BCL2: variants seen among roughly 807,000 people sequenced by gnomAD.
BCL2 encodes BCL2 apoptosis regulator.
Under a neutral mutation model 14.2 loss-of-function variants are expected in BCL2, and 1 was observed. That is an observed-to-expected ratio of 0.07 (90% CI 0.02 to 0.33). The LOEUF (loss-of-function observed/expected upper bound fraction) is 0.33. BCL2 is among the 10% of genes least tolerant of loss of function. The pLI is 0.99. For missense variants in BCL2, 247 were observed against 305.9 expected (o/e 0.81, Z 1.44); for synonymous variants, 151 against 137.2 (o/e 1.10, Z -0.70).
intron 2 of BCL2, among the ~76,000 whole-genome samples, chr18:63,296,704 C>G (rs758852930): frequency 9.9e-5 from 15 of 152,158 alleles, no homozygotes; most frequent in Admixed American, 8.5e-4. Context: ...TATGGTGAGG[C>G]CTTCCCTGCC....
At position 63,149,398 on chromosome 18, in the gene BCL2, T is replaced by A. The variant is rs1184546407; in HGVS notation, c.586-20639A>T. Among the ~76,000 whole-genome samples the A allele has an allele frequency of 6.6e-6, 1 of 152,192 alleles. No individual in the cohort carries two copies. The highest frequency in any genetic ancestry group is 6.5e-5 in the Admixed American group (1 of 15,282). On this transcript the variant is annotated intron_variant, in intron 2 of 2. Coordinates refer to ENST00000333681, the MANE Select transcript of BCL2 (RefSeq NM_000633.3). This position sits in a 1 kb window ranked among gnomAD's most constrained non-coding sequence, Gnocchi z 4.2. ...CAGTGATGCTCGCCAGCTGCTCACC[T>A]CCTGCTGTGCGGCCCTGTTCCTAAC... is the stretch of plus-strand genomic sequence containing the variant.
intron 2 of BCL2, among the ~76,000 whole-genome samples, chr18:63,303,170 C>A (rs138265247): frequency 5.1e-4 from 78 of 152,240 alleles, no homozygotes; most frequent in African/African-American, 1.7e-3. Context: ...AGGTATTAGG[C>A]AGGTTACAAT....
At chr18:63,162,025 G>A (rs768709771) in intron 2 of BCL2, among the ~76,000 whole-genome samples, 3 of 152,084 alleles carry the variant, frequency 2.0e-5, no homozygotes, top group African/African-American at 7.2e-5. Flanking sequence ...CCCCTCCCAC[G>A]TGCTGTTGAT....
intron 2 of BCL2, among the ~76,000 whole-genome samples, chr18:63,285,852 T>C (rs1912456609): frequency 6.6e-6 from 1 of 152,218 alleles, no homozygotes; most frequent in Non-Finnish European, 1.5e-5. Context: ...TTGTGGTCCA[T>C]GGCTTGTGTT....
chr18:63,254,472 C>T lies in BCL2; in HGVS notation c.585+63610G>A, dbSNP rs533072380. Among the ~76,000 whole-genome samples, 10 of 143,812 alleles carry T rather than the reference C, an allele frequency of 7.0e-5. No homozygotes were observed. The East Asian group carries it at 1.3e-3, about 18-fold the overall frequency. The allele number at this position is 143,812 out of a possible 152,430, so 94.3% of individuals were successfully genotyped here. ...TTGGGAGGCTGAGGTGGGAGGATCGCTTGAACCAGGGAGGCAGAGGTTGCA... is the reference window on the plus strand; with the variant it reads ...TTGGGAGGCTGAGGTGGGAGGATCGTTTGAACCAGGGAGGCAGAGGTTGCA... On this transcript the variant is annotated intron_variant, in intron 2 of 2. Transcript: ENST00000333681.
intron 2 of BCL2, among the ~76,000 whole-genome samples, chr18:63,222,273 C>CAAAAAA (rs35852603): frequency 1.2e-5 from 1 of 83,280 alleles, no homozygotes; most frequent in African/African-American, 4.6e-5. Context: ...GACTCCACCT[C>CAAAAAA]AAAAAAAAAA....
intron 2 of BCL2, among the ~76,000 whole-genome samples, chr18:63,144,158 T>C (rs142343591): frequency 7.2e-5 from 11 of 152,346 alleles, no homozygotes; most frequent in Non-Finnish European, 1.6e-4. Context: ...GGCGCTAACT[T>C]TGGATAGCTC....
intron 2 of BCL2, among the ~76,000 whole-genome samples, chr18:63,248,144 A>C (rs1332537507): frequency 1.3e-5 from 2 of 152,240 alleles, no homozygotes; most frequent in African/African-American, 2.4e-5. Context: ...AGGTCAGAGA[A>C]ACGCTACTCA....
At chr18:63,216,279 C>T (rs1288759333) in intron 2 of BCL2, among the ~76,000 whole-genome samples, 2 of 151,682 alleles carry the variant, frequency 1.3e-5, no homozygotes, top group African/African-American at 2.4e-5. Context: ...AGTGCTGACC[C>T]CCAGCAAAAG....
chr18:63,305,155 G>C (rs955831848), intron 2 of BCL2, among the ~76,000 whole-genome samples: 3 of 152,198 alleles, frequency 2.0e-5, no homozygotes, highest in Non-Finnish European at 2.9e-5. Flanking sequence ...CATGAGAAAC[G>C]CTGCAAAGGC....
chr18:63,293,081 C>T (rs1006278218), intron 2 of BCL2, among the ~76,000 whole-genome samples: 2 of 152,164 alleles, frequency 1.3e-5, no homozygotes, highest in Non-Finnish European at 2.9e-5. Flanking sequence ...CCAAGACGAC[C>T]TCACCCCTGG....
intron 2 of BCL2, among the ~76,000 whole-genome samples, chr18:63,221,262 A>G (rs1910384426): frequency 2.0e-5 from 3 of 152,196 alleles, no homozygotes; most frequent in African/African-American, 4.8e-5. Flanking sequence ...TTTACAACCA[A>G]TTCCAGGTTT....
chr18:63,304,954 A>G (rs1040318024), intron 2 of BCL2, among the ~76,000 whole-genome samples: 1 of 152,218 alleles, frequency 6.6e-6, no homozygotes, highest in Non-Finnish European at 1.5e-5. Flanking sequence ...ATGTTCATCT[A>G]ATTCCAATTG....
chr18:63,262,515 G>A (rs1911690615), intron 2 of BCL2, among the ~76,000 whole-genome samples: 2 of 152,150 alleles, frequency 1.3e-5, no homozygotes, highest in African/African-American at 2.4e-5. Flanking sequence ...TTCCAGGAAG[G>A]AGGTGGACAA....
intron 2 of BCL2, among the ~76,000 whole-genome samples, chr18:63,212,587 G>A (rs1056927383): frequency 2.7e-5 from 4 of 148,230 alleles, no homozygotes; most frequent in Non-Finnish European, 6.1e-5. Context: ...AATAAAAGTT[G>A]CTACCTTGGC....
chr18:63,243,381 A>C (rs926444396), intron 2 of BCL2, among the ~76,000 whole-genome samples: 2 of 152,164 alleles, frequency 1.3e-5, no homozygotes, highest in African/African-American at 4.8e-5. Flanking sequence ...GGGTGGGAGG[A>C]GGGAGAGGAT....
chr18:63,268,138 C>T (rs938029873), intron 2 of BCL2, among the ~76,000 whole-genome samples: 3 of 152,138 alleles, frequency 2.0e-5, no homozygotes, highest in African/African-American at 7.2e-5. Context: ...AGCCTGAAGA[C>T]CTTATTTTTC....
chr18:63,172,876 G>C (rs1239869584), intron 2 of BCL2, among the ~76,000 whole-genome samples: 3 of 152,220 alleles, frequency 2.0e-5, no homozygotes, highest in Non-Finnish European at 4.4e-5. Flanking sequence ...CATGAAGGCA[G>C]AAAAGTCATG....
chr18:63,167,098 A>T (rs1019092324), intron 2 of BCL2, among the ~76,000 whole-genome samples: 1 of 152,302 alleles, frequency 6.6e-6, no homozygotes. Flanking sequence ...TTCTGTTTTG[A>T]ATGGGTTTTA....
Sources: allele counts gnomAD v4.1 joint callset (sites outside exome capture counted in the v4.1 genomes callset), GRCh38; gene constraint gnomAD v4.1.1; non-coding constraint Gnocchi (gnomAD v3.1); transcripts MANE v1.5; gene names NCBI Gene and HGNC (gene_info 2026-07-23, HGNC 2026-07-21).